SLC22A15: variants seen among roughly 807,000 people sequenced by gnomAD.
SLC22A15 encodes flipt 1.
A neutral mutation model predicts 62.7 loss-of-function variants in SLC22A15; 45 were observed. That is an observed-to-expected ratio of 0.72 (90% CI 0.56 to 0.92). The LOEUF (loss-of-function observed/expected upper bound fraction) is 0.92, where lower values mean the gene tolerates loss of function less well. Among genes scored for constraint, SLC22A15 ranks in the 40% least tolerant of loss-of-function variants. SLC22A15 has a pLI of 0.00. For synonymous variants in SLC22A15, 264 were observed against 267.0 expected (o/e 0.99, Z 0.11); for missense variants, 622 against 665.6 (o/e 0.93, Z 0.72).
intron 8 of SLC22A15, among the ~76,000 whole-genome samples, chr1:116,049,669 T>C (rs1196951126): frequency 6.6e-6 from 1 of 152,096 alleles, no homozygotes. Context: ...AAAGTGGCAT[T>C]CTAAGGTCAC....
At chr1:115,988,344 T>C (rs1183909644) in intron 1 of SLC22A15, among the ~76,000 whole-genome samples, 1 of 152,116 alleles carries the variant, frequency 6.6e-6, no homozygotes, top group Non-Finnish European at 1.5e-5. Flanking sequence ...ATATTTTTGT[T>C]TTTTGGGGGG....
intron 8 of SLC22A15, among the ~76,000 whole-genome samples, chr1:116,057,323 C>A (rs1658238568): frequency 6.6e-6 from 1 of 151,548 alleles, no homozygotes; most frequent in African/African-American, 2.4e-5. Flanking sequence ...TCATCACTCG[C>A]CATCAGAGAA....
At chr1:116,007,369 A>G (rs1038528952) in intron 2 of SLC22A15, among the ~76,000 whole-genome samples, 1 of 152,224 alleles carries the variant, frequency 6.6e-6, no homozygotes, top group Non-Finnish European at 1.5e-5. Flanking sequence ...TAAGCATTCC[A>G]GATGCTGAAC....
intron 8 of SLC22A15, among the ~76,000 whole-genome samples, chr1:116,039,416 C>T (rs562178229): frequency 1.5e-4 from 23 of 152,162 alleles, no homozygotes; most frequent in African/African-American, 5.5e-4. Context: ...GCCTGTAATC[C>T]TAGCTACTAG....
chr1:116,045,154 C>G (rs1304813287), intron 8 of SLC22A15, among the ~76,000 whole-genome samples: 1 of 152,056 alleles, frequency 6.6e-6, no homozygotes, highest in African/African-American at 2.4e-5. Context: ...AGGGATTCTC[C>G]TGCCTCAGCC....
chr1:116,015,222 G>A (rs1406013988), intron 2 of SLC22A15: 1 of 152,164 alleles, frequency 6.6e-6, no homozygotes, highest in Non-Finnish European at 1.5e-5. Context: ...ACTAGGATCT[G>A]TCAGGGAGAT....
intron 1 of SLC22A15, among the ~76,000 whole-genome samples, chr1:115,979,188 G>A (rs1407995971): frequency 2.0e-5 from 3 of 152,108 alleles, no homozygotes; most frequent in Non-Finnish European, 1.5e-5. Flanking sequence ...AAACCACATA[G>A]CAAAGCCAAT....
intron 8 of SLC22A15, among the ~76,000 whole-genome samples, chr1:116,043,916 C>T (rs1657858299): frequency 6.6e-6 from 1 of 152,040 alleles, no homozygotes; most frequent in South Asian, 2.1e-4. Flanking sequence ...ATATAGATAA[C>T]CTGAATAGCA....
chr1:115,982,317 A>C (rs1423036554), intron 1 of SLC22A15, among the ~76,000 whole-genome samples: 2 of 152,206 alleles, frequency 1.3e-5, no homozygotes, highest in Non-Finnish European at 2.9e-5. Context: ...AAATTAATAC[A>C]AATCACTAGT....
chr1:116,063,459 G>T (rs1364855468), intron 9 of SLC22A15, among the ~76,000 whole-genome samples: 1 of 152,116 alleles, frequency 6.6e-6, no homozygotes, highest in Non-Finnish European at 1.5e-5. Context: ...AAGGATGGGG[G>T]TGCAGCTGAG....
intron 1 of SLC22A15, among the ~76,000 whole-genome samples, chr1:115,979,148 A>G (rs1382218351): frequency 6.6e-6 from 1 of 152,206 alleles, no homozygotes; most frequent in Non-Finnish European, 1.5e-5. Flanking sequence ...CCTTTACCCC[A>G]AACACATCTA....
intron 8 of SLC22A15, among the ~76,000 whole-genome samples, chr1:116,056,751 G>T (rs150296098): frequency 6.6e-6 from 1 of 152,040 alleles, no homozygotes; most frequent in Non-Finnish European, 1.5e-5. Context: ...ATGTAACGCC[G>T]CATATCTACA....
At position 115,992,153 on chromosome 1, in the gene SLC22A15, G is replaced by A. The variant is rs1321970799; in HGVS notation, c.210G>A (p.Gln70=). Residue 70 remains glutamine, a synonymous_variant, in exon 2 of 12, where the codon CAG becomes CAA. Transcript: ENST00000369503. ...GTAACCAGTCAGCTGGTGAAGACCA[G>A]GCCTTTGGGGACTGGCTCCTGACAG... The part of the protein sequence containing the change: ...SHGNQSAGED[Q]AFGDWLLTAN... The A allele has an allele frequency of 2.5e-6, 4 of 1,613,222 alleles. No individual in the cohort carries two copies. Among genetic ancestry groups the A allele is most frequent in the Non-Finnish European group, 3.4e-6 (4 of 1,179,626 alleles).
chr1:116,027,167 A>C lies in SLC22A15; in HGVS notation c.728+145A>C, dbSNP rs1055754441. 2.3e-5 allele frequency: 18 copies of C among 774,322 alleles called. No individual in the cohort carries two copies. The South Asian group carries it at 2.9e-4, about 12-fold the overall frequency. 48.0% of individuals were successfully genotyped at this position (774,322 alleles called of 1,614,324 possible). A position where few individuals can be genotyped will look rare whatever the true frequency, so the allele number is the denominator to read the frequency against. ...AGAACTAAATTCTGCAAGTGCTCCAATTCTTGGCAGCTCCTGGGAAGAGAG... is the reference window on the plus strand; with the variant it reads ...AGAACTAAATTCTGCAAGTGCTCCACTTCTTGGCAGCTCCTGGGAAGAGAG... On this transcript the variant is annotated intron_variant, in intron 5 of 11. Transcript: ENST00000369503.
intron 8 of SLC22A15, among the ~76,000 whole-genome samples, chr1:116,046,620 C>T (rs1432244789): frequency 6.6e-6 from 1 of 152,098 alleles, no homozygotes; most frequent in Non-Finnish European, 1.5e-5. Flanking sequence ...AACTTTAGCT[C>T]CAGATTGACA....
At chr1:116,034,259 G>C (rs775122447) in intron 6 of SLC22A15, among the ~76,000 whole-genome samples, 9 of 152,040 alleles carry the variant, frequency 5.9e-5, no homozygotes, top group Non-Finnish European at 1.3e-4. Flanking sequence ...CCAGTTTCAG[G>C]GTTTTATTTT....
chr1:116,024,826 G>A (rs1236290994), intron 4 of SLC22A15, among the ~76,000 whole-genome samples: 1 of 152,140 alleles, frequency 6.6e-6, no homozygotes, highest in African/African-American at 2.4e-5. Flanking sequence ...CGGCTCAGCT[G>A]ATTGGGGTCA....
rs560158449 is a variant in SLC22A15, at chr1:115,996,190, T to C, written c.300+3947T>C. On this transcript the variant is annotated intron_variant, in intron 2 of 11. Coordinates refer to ENST00000369503, the MANE Select transcript of SLC22A15 (RefSeq NM_018420.3). ...TGGCTTTTTTTATTCAGCATAATTATCTGCAGATTCATCTAGGCTTAGTTT... is the reference window on the plus strand; with the variant it reads ...TGGCTTTTTTTATTCAGCATAATTACCTGCAGATTCATCTAGGCTTAGTTT... 8.5e-5 allele frequency among the ~76,000 whole-genome samples: 13 copies of C among 152,366 alleles called. No individual in the cohort carries two copies. In the East Asian group the frequency reaches 2.3e-3, roughly 27 times the overall value.
At position 116,020,767 on chromosome 1, in the gene SLC22A15, C is replaced by T; in HGVS notation, c.480C>T (p.Pro160=). The T allele has an allele frequency of 6.2e-7, 1 of 1,613,564 alleles. No homozygotes were observed. Among genetic ancestry groups the T allele is most frequent in the African/African-American group, 1.3e-5 (1 of 75,018 alleles). Residue 160 remains proline, a synonymous_variant, in exon 4 of 12, where the codon CCC becomes CCT. Transcript: ENST00000369503. ...TTGCAATTGCAAATGGATTTTCCCC[C>T]TCATATGAGTTCTTTGCAGTAACTC... is the stretch of plus-strand genomic sequence containing the variant. ...ILFAIANGFS[P]SYEFFAVTRF...
Sources: gnomAD v4.1 joint callset for allele counts (sites outside exome capture counted in the v4.1 genomes callset) on GRCh38, gnomAD v4.1.1 for gene constraint, MANE v1.5 for transcripts, NCBI Gene and HGNC (gene_info 2026-07-23, HGNC 2026-07-21) for gene names.